Variants in SLC22A24 observed in about 807,000 individuals in gnomAD.
The protein encoded by SLC22A24 is steroid transmembrane transporter SLC22A24.
A neutral mutation model predicts 49.8 loss-of-function variants in SLC22A24; 53 were observed. The ratio of observed to expected loss-of-function variants is 1.06; its 90% CI spans 0.85 to 1.34. The LOEUF (loss-of-function observed/expected upper bound fraction) is 1.34, where lower values mean the gene tolerates loss of function less well. Among genes scored for constraint, SLC22A24 ranks in the 40% most tolerant of loss-of-function variants. The pLI, the probability that SLC22A24 is intolerant of heterozygous loss-of-function variation, is 0.00. For missense variants in SLC22A24, 786 were observed against 675.9 expected, an observed-to-expected ratio of 1.16 and a Z score of -1.81; for synonymous variants, 302 against 256.4, an observed-to-expected ratio of 1.18 and a Z score of -1.70.
chr11:63,115,757 AT>A (rs35701491), intron 4 of SLC22A24: 14 of 158,160 alleles, frequency 8.9e-5, no homozygotes, highest in Non-Finnish European at 1.1e-4. Context: ...CTGCTGACAG[AT>A]TTTTTTTTTC....
In SLC22A24 at chr11:63,138,547, C is replaced by T. The variant is rs376372019; in HGVS notation, c.403-3779G>A. ...GTCCCAGCTACTCGGGAGGCTGAGG[C>T]AGGAGAATGGCATGAACCTGGGAGG... On this transcript the variant is annotated intron_variant, in intron 1 of 9. Transcript: ENST00000612278. 1.4e-4 allele frequency among the ~76,000 whole-genome samples: 20 copies of T among 144,116 alleles called. No individual in the cohort carries two copies. In the East Asian group the frequency reaches 3.3e-3, roughly 24 times the overall value. 94.5% of individuals were successfully genotyped at this position (144,116 alleles called of 152,430 possible). A position where few individuals can be genotyped will look rare whatever the true frequency, so the allele number is the denominator to read the frequency against.
chr11:63,127,011 G>T (rs1396490534), intron 2 of SLC22A24, among the ~76,000 whole-genome samples: 2 of 151,966 alleles, frequency 1.3e-5, no homozygotes, highest in South Asian at 2.1e-4. Flanking sequence ...TAAGTTCTAG[G>T]GTACATGTGC....
At chr11:63,133,639 T>G (rs1052067119) in intron 2 of SLC22A24, among the ~76,000 whole-genome samples, 1 of 152,002 alleles carries the variant, frequency 6.6e-6, no homozygotes, top group African/African-American at 2.4e-5. Context: ...AGGTTCTTTT[T>G]TTTTCTTTTT....
intron 1 of SLC22A24, among the ~76,000 whole-genome samples, chr11:63,137,045 G>A (rs1361722462): frequency 6.6e-6 from 1 of 152,102 alleles, no homozygotes; most frequent in East Asian, 1.9e-4. Flanking sequence ...CTGTAGCCCT[G>A]TGGTGGGATG....
chr11:63,134,358 C>T (rs1441753409), intron 2 of SLC22A24, among the ~76,000 whole-genome samples: 2 of 152,172 alleles, frequency 1.3e-5, no homozygotes, highest in Non-Finnish European at 2.9e-5. Context: ...TGAACTAACT[C>T]CTACAAGTAA....
At chr11:63,095,443 T>C (rs1565325693) in intron 6 of SLC22A24, among the ~76,000 whole-genome samples, 1 of 152,178 alleles carries the variant, frequency 6.6e-6, no homozygotes, top group Non-Finnish European at 1.5e-5. Context: ...AAATTTCACA[T>C]ATTTAAAGGT....
intron 5 of SLC22A24, among the ~76,000 whole-genome samples, chr11:63,096,910 G>A (rs988380227): frequency 3.9e-5 from 6 of 151,980 alleles, no homozygotes; most frequent in African/African-American, 1.5e-4. Flanking sequence ...AATGAATTTA[G>A]CGTTTCTTTC....
intron 1 of SLC22A24, among the ~76,000 whole-genome samples, chr11:63,136,502 C>T (rs1177945427): frequency 6.6e-6 from 1 of 152,222 alleles, no homozygotes; most frequent in African/African-American, 2.4e-5. Flanking sequence ...GTGCCTTATC[C>T]ACCATATTCA....
intron 4 of SLC22A24, among the ~76,000 whole-genome samples, chr11:63,108,892 T>A (rs1164395332): frequency 1.2e-4 from 18 of 149,380 alleles, no homozygotes; most frequent in African/African-American, 3.7e-4. Flanking sequence ...CATGTGCACA[T>A]TGTGCAGGTT....
At chr11:63,143,028 C>T (rs894211345) in intron 1 of SLC22A24, among the ~76,000 whole-genome samples, 2 of 152,112 alleles carry the variant, frequency 1.3e-5, no homozygotes, top group Admixed American at 6.6e-5. Flanking sequence ...AATCCCAAAG[C>T]GTGGATATTT....
chr11:63,124,940 CTG>C (rs1044383108), intron 2 of SLC22A24, among the ~76,000 whole-genome samples: 2 of 145,948 alleles, frequency 1.4e-5, no homozygotes, highest in African/African-American at 5.1e-5. Context: ...ACATCACACT[CTG>C]GGGACTGTTG....
chr11:63,113,794 C>T (rs1012848716), intron 4 of SLC22A24, among the ~76,000 whole-genome samples: 14 of 146,926 alleles, frequency 9.5e-5, no homozygotes. Context: ...GCAGAGATTG[C>T]AGTGAGCCAA....
intron 4 of SLC22A24, among the ~76,000 whole-genome samples, chr11:63,118,190 C>G (rs1343311250): frequency 1.3e-5 from 2 of 148,710 alleles, no homozygotes; most frequent in Non-Finnish European, 3.0e-5. Flanking sequence ...AAGCTCTGTC[C>G]TCCTCCCTCT....
chr11:63,139,721 G>A (rs2087401244), intron 1 of SLC22A24, among the ~76,000 whole-genome samples: 1 of 152,148 alleles, frequency 6.6e-6, no homozygotes. Flanking sequence ...TCCGATCCAG[G>A]ATCCAGTATA....
At chr11:63,113,378 G>A (rs2087188845) in intron 4 of SLC22A24, among the ~76,000 whole-genome samples, 1 of 151,388 alleles carries the variant, frequency 6.6e-6, no homozygotes, top group South Asian at 2.1e-4. Context: ...GCATGTTTTT[G>A]CAGTGGCTGG....
chr11:63,120,906 A>G (rs2087247363), intron 2 of SLC22A24, among the ~76,000 whole-genome samples: 1 of 152,200 alleles, frequency 6.6e-6, no homozygotes, highest in Non-Finnish European at 1.5e-5. Flanking sequence ...TGGAGAAGGA[A>G]TCATTGGAAA....
At chr11:63,089,788 G>A (rs939954099) in intron 6 of SLC22A24, among the ~76,000 whole-genome samples, 3 of 152,020 alleles carry the variant, frequency 2.0e-5, no homozygotes, top group African/African-American at 7.2e-5. Flanking sequence ...GATTAAAAAA[G>A]ACAAAGAACA....
chr11:63,100,461 A>T (rs1404737203), intron 5 of SLC22A24, among the ~76,000 whole-genome samples: 2 of 152,178 alleles, frequency 1.3e-5, no homozygotes, highest in African/African-American at 2.4e-5. Flanking sequence ...CATGGATTGG[A>T]TTAATCAGTA....
chr11:63,126,291 G>A (rs933830059), intron 2 of SLC22A24, among the ~76,000 whole-genome samples: 6 of 152,096 alleles, frequency 3.9e-5, no homozygotes, highest in African/African-American at 1.4e-4. Context: ...TATGGTTTTA[G>A]GTCTTACTTT....
Sources: gnomAD v4.1 joint callset for allele counts (sites outside exome capture counted in the v4.1 genomes callset) on GRCh38, gnomAD v4.1.1 for gene constraint, MANE v1.5 for transcripts, NCBI Gene and HGNC (gene_info 2026-07-23, HGNC 2026-07-21) for gene names.